The following OSBPL10 variants were observed in gnomAD, a reference collection of about 807,000 sequenced individuals.
OSBPL10 encodes oxysterol binding protein like 10, also known as oxysterol-binding protein-related protein 10.
In OSBPL10, 49 loss-of-function variants were observed where a neutral mutation model predicts 81.7. That is an observed-to-expected ratio of 0.60 (90% confidence interval 0.48 to 0.76). OSBPL10 has a LOEUF of 0.76. OSBPL10 is among the 30% of genes least tolerant of loss of function. OSBPL10 has a pLI of 0.00. For synonymous variants in OSBPL10, 419 were observed against 383.6 expected, an observed-to-expected ratio of 1.09 and a Z score of -1.08; for missense variants, 923 against 987.8, an observed-to-expected ratio of 0.93 and a Z score of 0.88.
At chr3:31,762,352 A>G (rs1354293723) in intron 4 of OSBPL10, among the ~76,000 whole-genome samples, 1 of 152,200 alleles carries the variant, frequency 6.6e-6, no homozygotes, top group Non-Finnish European at 1.5e-5. Context: ...AAACAGGGCC[A>G]TTTCACAAGA....
rs138776760 is a variant in OSBPL10, at chr3:31,676,914, G to C, written c.1727-5931C>G. 1.8e-4 allele frequency among the ~76,000 whole-genome samples: 27 copies of C among 152,296 alleles called. No homozygotes were observed. The East Asian group carries it at 4.8e-3, about 27-fold the overall frequency. On this transcript the variant is annotated intron_variant, in intron 8 of 11. Transcript: ENST00000396556. ...CTCACTGTTAGAGCAATAGAAACGA[G>C]AGGGTGGGAGAAAGGGGTGCAGTCT...
intron 1 of OSBPL10, among the ~76,000 whole-genome samples, chr3:31,967,434 T>C (rs1698431919): frequency 6.6e-6 from 1 of 151,970 alleles, no homozygotes; most frequent in African/African-American, 2.4e-5. Context: ...GAGCTGTGAT[T>C]GCACCACTGC....
In OSBPL10 at chr3:31,688,537, G is replaced by A. The variant is rs560602597; in HGVS notation, c.1246-4423C>T. Among the ~76,000 whole-genome samples the A allele has an allele frequency of 6.6e-5, 10 of 152,190 alleles. No homozygotes were observed. In the South Asian group the frequency reaches 2.1e-3, roughly 32 times the overall value. ...CACGTTTCAAAACTGTAAGCTCTTA[G>A]TGGATAGACACCTGACTCCTTAATA... On this transcript the variant is annotated intron_variant, in intron 7 of 11. Transcript: ENST00000396556.
chr3:31,934,709 TTAC>T (rs1697338530), intron 1 of OSBPL10, among the ~76,000 whole-genome samples: 1 of 152,110 alleles, frequency 6.6e-6, no homozygotes. Context: ...GCTGACTATA[TTAC>T]TACATTTCTA....
At chr3:31,929,513 C>T (rs995260763) in intron 1 of OSBPL10, among the ~76,000 whole-genome samples, 4 of 151,786 alleles carry the variant, frequency 2.6e-5, no homozygotes, top group African/African-American at 4.8e-5. Flanking sequence ...TTTGGGAGGC[C>T]GAGGCAGGTG....
chr3:31,741,599 A>G (rs1697353316), intron 5 of OSBPL10, among the ~76,000 whole-genome samples: 1 of 152,220 alleles, frequency 6.6e-6, no homozygotes, highest in South Asian at 2.1e-4. Flanking sequence ...TGGCACTCAA[A>G]AACTCTGTTT....
intron 1 of OSBPL10, among the ~76,000 whole-genome samples, chr3:32,053,624 T>C (rs1699684556): frequency 6.6e-6 from 1 of 152,176 alleles, no homozygotes; most frequent in Admixed American, 6.5e-5. Flanking sequence ...AGTAGTACAC[T>C]AATGCAAGGG....
chr3:31,737,292 A>G (rs756996332), intron 5 of OSBPL10, among the ~76,000 whole-genome samples: 2 of 152,240 alleles, frequency 1.3e-5, no homozygotes, highest in Non-Finnish European at 2.9e-5. Context: ...GAAGGCAAAA[A>G]AACATTCTTA....
At chr3:32,047,957 G>A (rs1471163538) in intron 1 of OSBPL10, among the ~76,000 whole-genome samples, 1 of 152,050 alleles carries the variant, frequency 6.6e-6, no homozygotes, top group African/African-American at 2.4e-5. Flanking sequence ...AAGCCACCAC[G>A]CCCGGCCTAC....
At chr3:31,847,554 C>T (rs1467984137) in intron 3 of OSBPL10, among the ~76,000 whole-genome samples, 3 of 152,114 alleles carry the variant, frequency 2.0e-5, no homozygotes, top group Admixed American at 2.0e-4. Flanking sequence ...TTTCCTTAAA[C>T]TATTCACCGG....
intron 6 of OSBPL10, among the ~76,000 whole-genome samples, chr3:31,706,790 T>C (rs1696080532): frequency 6.6e-6 from 1 of 152,220 alleles, no homozygotes; most frequent in African/African-American, 2.4e-5. Flanking sequence ...TAACTACAGT[T>C]TGTGTCCCTC....
intron 1 of OSBPL10, among the ~76,000 whole-genome samples, chr3:31,885,478 T>G (rs972446786): frequency 3.3e-5 from 5 of 152,190 alleles, no homozygotes; most frequent in African/African-American, 1.2e-4. Flanking sequence ...CACTGTGCCT[T>G]GCCAGTCTTG....
intron 1 of OSBPL10, among the ~76,000 whole-genome samples, chr3:31,898,564 G>A (rs1696131579): frequency 7.0e-6 from 1 of 142,890 alleles, no homozygotes; most frequent in African/African-American, 2.7e-5. Context: ...GGGCAACATA[G>A]CAAGACCCTG....
chr3:31,712,548 G>A (rs1696294802), intron 6 of OSBPL10, among the ~76,000 whole-genome samples: 1 of 152,228 alleles, frequency 6.6e-6, no homozygotes, highest in African/African-American at 2.4e-5. Flanking sequence ...GAAGATGGAG[G>A]AAGGGGCTGC....
At chr3:32,048,375 T>C (rs1294714510) in intron 1 of OSBPL10, among the ~76,000 whole-genome samples, 2 of 150,194 alleles carry the variant, frequency 1.3e-5, no homozygotes, top group African/African-American at 5.0e-5. Flanking sequence ...TGGCACGATC[T>C]CCGCTCACTG....
At chr3:31,687,871 C>T (rs1338662388) in intron 7 of OSBPL10, among the ~76,000 whole-genome samples, 1 of 148,298 alleles carries the variant, frequency 6.7e-6, no homozygotes, top group Admixed American at 6.7e-5. Flanking sequence ...GCCTGGGCAA[C>T]ATAGTGAGAA....
At chr3:31,818,448 T>A (rs1443426596) in intron 4 of OSBPL10, among the ~76,000 whole-genome samples, 1 of 152,090 alleles carries the variant, frequency 6.6e-6, no homozygotes, top group Non-Finnish European at 1.5e-5. Context: ...CACGGGTGCA[T>A]ATGTATGTGT....
chr3:32,016,346 A>G (rs896611103), intron 2 of OSBPL10, among the ~76,000 whole-genome samples: 1 of 152,196 alleles, frequency 6.6e-6, no homozygotes, highest in Non-Finnish European at 1.5e-5. Flanking sequence ...CCTCGCAAGG[A>G]CAAAAAACCA....
intron 1 of OSBPL10, among the ~76,000 whole-genome samples, chr3:31,888,528 G>A (rs1695803773): frequency 6.6e-6 from 1 of 152,132 alleles, no homozygotes; most frequent in Admixed American, 6.5e-5. Context: ...AGAGTGAAAA[G>A]ACAATCTACA....
Sources: gnomAD v4.1 joint callset for allele counts (sites outside exome capture counted in the v4.1 genomes callset) on GRCh38, gnomAD v4.1.1 for gene constraint, MANE v1.5 for transcripts, NCBI Gene and HGNC (gene_info 2026-07-23, HGNC 2026-07-21) for gene names.